Variants in MARCHF3 observed in about 807,000 individuals in gnomAD.
The protein encoded by MARCHF3 is E3 ubiquitin-protein ligase MARCHF3.
A neutral mutation model predicts 24.2 loss-of-function variants in MARCHF3; 13 were observed. The observed-to-expected ratio is 0.54, with a 90% CI of 0.35 to 0.85. The LOEUF is 0.85. Among genes scored for constraint, MARCHF3 ranks in the 40% least tolerant of loss-of-function variants. The pLI, the probability that MARCHF3 is intolerant of heterozygous loss-of-function variation, is 0.01. For synonymous variants in MARCHF3, 144 were observed against 137.3 expected (o/e 1.05, Z -0.34); for missense variants, 276 against 325.0 (o/e 0.85, Z 1.16).
intron 3 of MARCHF3, among the ~76,000 whole-genome samples, chr5:126,894,778 A>G (rs1433160140): frequency 1.3e-5 from 2 of 151,886 alleles, no homozygotes; most frequent in African/African-American, 4.8e-5. Context: ...GAATCTGACA[A>G]TTATGTGTCT....
intron 1 of MARCHF3, among the ~76,000 whole-genome samples, chr5:126,996,535 GAA>G (rs71867473): frequency 2.8e-5 from 4 of 140,436 alleles, no homozygotes; most frequent in African/African-American, 2.6e-5. Flanking sequence ...TGCAAGGAAG[GAA>G]AAAAAAAAAA....
At position 126,955,587 on chromosome 5, in the gene MARCHF3, T is replaced by C. The variant is rs576265265; in HGVS notation, c.-56-37360A>G. ...TAAGGTCAGCATCTCTTATGTTTAT[T>C]GGTTCTTTAAATCCGCTCCTCTGTG... On this transcript the variant is annotated intron_variant, in intron 1 of 4. Transcript: ENST00000308660. 2.0e-5 allele frequency among the ~76,000 whole-genome samples: 3 copies of C among 152,372 alleles called. No homozygotes were observed. In the East Asian group the frequency reaches 5.8e-4, roughly 29 times the overall value.
chr5:127,015,062 A>G (rs1487223286), intron 1 of MARCHF3, among the ~76,000 whole-genome samples: 1 of 152,222 alleles, frequency 6.6e-6, no homozygotes, highest in Non-Finnish European at 1.5e-5. Flanking sequence ...CATTGTATGT[A>G]CTGAAACATC....
chr5:126,916,692 G>GACACAC (rs34090036), intron 2 of MARCHF3, among the ~76,000 whole-genome samples: 7,106 of 130,410 alleles, frequency 0.054, 230 homozygotes, highest in Middle Eastern at 0.12. Flanking sequence ...CAGACAGACA[G>GACACAC]ACACACACAC....
intron 1 of MARCHF3, among the ~76,000 whole-genome samples, chr5:127,006,664 T>C (rs1303383133): frequency 6.6e-6 from 1 of 152,196 alleles, no homozygotes; most frequent in African/African-American, 2.4e-5. Flanking sequence ...AAGATGAATA[T>C]AACTATCTGT....
intron 1 of MARCHF3, among the ~76,000 whole-genome samples, chr5:127,026,631 A>T (rs11241913): frequency 6.6e-6 from 1 of 152,054 alleles, no homozygotes; most frequent in Admixed American, 6.5e-5. Flanking sequence ...ATATCACCAC[A>T]ATCCTAAATC....
intron 4 of MARCHF3, among the ~76,000 whole-genome samples, chr5:126,876,667 T>G (rs1753169044): frequency 6.6e-6 from 1 of 152,032 alleles, no homozygotes. Context: ...TTTTTTTTTT[T>G]TGAGATGGAG....
At chr5:126,997,716 A>G (rs1336206538) in intron 1 of MARCHF3, among the ~76,000 whole-genome samples, 1 of 152,202 alleles carries the variant, frequency 6.6e-6, no homozygotes, top group Admixed American at 6.5e-5. Flanking sequence ...TTTTTTTGAT[A>G]AGGCTATGCT....
Position 126,918,205 on chromosome 5 carries a change from CCACATTCATACAGG to C in MARCHF3, c.-48_-35del. 1 of 1,590,484 alleles carries C rather than the reference CCACATTCATACAGG, an allele frequency of 6.3e-7. No individual in the cohort carries two copies. The highest frequency in any genetic ancestry group is 8.6e-7 in the Non-Finnish European group (1 of 1,167,856). On this transcript the variant is annotated 5_prime_UTR_variant, in exon 2 of 5. It adds an upstream start codon to the 5' untranslated region. Transcript: ENST00000308660. Reference sequence around the variant, plus strand: ...ACAGCAATTACTCTGCTAATGGCTTCCACATTCATACAGGATTTCCATCTAAGAGAGATCAGAAA... The same window carrying C: ...ACAGCAATTACTCTGCTAATGGCTTCATTTCCATCTAAGAGAGATCAGAAA...
intron 1 of MARCHF3, among the ~76,000 whole-genome samples, chr5:127,004,086 G>A (rs1217359416): frequency 6.6e-6 from 1 of 152,156 alleles, no homozygotes; most frequent in African/African-American, 2.4e-5. Flanking sequence ...CCATCTGTAT[G>A]GCTCTTTCTT....
intron 1 of MARCHF3, among the ~76,000 whole-genome samples, chr5:126,992,723 C>G (rs937551974): frequency 6.7e-6 from 1 of 149,254 alleles, no homozygotes; most frequent in African/African-American, 2.5e-5. Flanking sequence ...CAGAAGTCTA[C>G]AAGTCACTGA....
chr5:126,922,838 G>A (rs1006254293), intron 1 of MARCHF3, among the ~76,000 whole-genome samples: 32 of 152,236 alleles, frequency 2.1e-4, no homozygotes, highest in East Asian at 3.9e-4. Context: ...GAGCCACTGC[G>A]CCCAGCCTCA....
At chr5:126,936,695 C>A (rs1260981531) in intron 1 of MARCHF3, among the ~76,000 whole-genome samples, 2 of 152,088 alleles carry the variant, frequency 1.3e-5, no homozygotes, top group East Asian at 1.9e-4. Context: ...CATTTTATAA[C>A]CCTCAGGAGG....
chr5:126,897,011 T>C (rs1333875685), intron 3 of MARCHF3, among the ~76,000 whole-genome samples: 1 of 149,772 alleles, frequency 6.7e-6, no homozygotes, highest in Non-Finnish European at 1.5e-5. Context: ...CTTGAGACAA[T>C]CCTTGGTTCA....
At chr5:126,892,562 T>C (rs1330460214) in intron 3 of MARCHF3, among the ~76,000 whole-genome samples, 1 of 149,402 alleles carries the variant, frequency 6.7e-6, no homozygotes, top group African/African-American at 2.5e-5. Flanking sequence ...GGTTTTTGTC[T>C]TTGGCTCTGT....
At chr5:126,909,494 C>T (rs370906282) in intron 3 of MARCHF3, among the ~76,000 whole-genome samples, 26 of 152,228 alleles carry the variant, frequency 1.7e-4, no homozygotes, top group South Asian at 6.2e-4. Context: ...TAGGACCCTC[C>T]GAGCCACGCA....
chr5:126,871,510 C>G (rs1265752755), intron 4 of MARCHF3, among the ~76,000 whole-genome samples: 1 of 152,234 alleles, frequency 6.6e-6, no homozygotes, highest in Non-Finnish European at 1.5e-5. Flanking sequence ...CTGAACAGCA[C>G]TGTGCATGTT....
chr5:126,871,855 C>T (rs1386072302), intron 4 of MARCHF3, among the ~76,000 whole-genome samples: 2 of 151,810 alleles, frequency 1.3e-5, no homozygotes, highest in Non-Finnish European at 2.9e-5. Context: ...TACAGGCATA[C>T]GCCACCATGC....
chr5:126,870,465 C>T lies in MARCHF3; in HGVS notation c.*168G>A. The T allele has an allele frequency of 1.8e-6, 1 of 551,294 alleles. No homozygotes were observed. The highest frequency in any genetic ancestry group is 3.2e-6 in the Non-Finnish European group (1 of 308,066). The allele number at this position is 551,294 out of a possible 1,614,324, so 34.2% of individuals were successfully genotyped here. A position where few individuals can be genotyped will look rare whatever the true frequency, so the allele number is the denominator to read the frequency against. On this transcript the variant is annotated 3_prime_UTR_variant, in exon 5 of 5. Coordinates refer to ENST00000308660, the MANE Select transcript of MARCHF3 (RefSeq NM_178450.5). ...ATCATTTGAAGTAAAACAGCATTTG[C>T]TTTCTTCTGGCGGAGGTTGTTGCTT...
Sources: gnomAD v4.1 joint callset for allele counts (sites outside exome capture counted in the v4.1 genomes callset) on GRCh38, gnomAD v4.1.1 for gene constraint, MANE v1.5 for transcripts, NCBI Gene and HGNC (gene_info 2026-07-23, HGNC 2026-07-21) for gene names.